RAPGEF4: variants seen among roughly 807,000 people sequenced by gnomAD.
RAPGEF4 encodes Rap guanine nucleotide exchange factor 4.
Under a neutral mutation model 147.9 loss-of-function variants are expected in RAPGEF4, and 66 were observed. That is an observed-to-expected ratio of 0.45 (90% CI 0.37 to 0.55). RAPGEF4 has a LOEUF of 0.55. Ranked by LOEUF, RAPGEF4 falls within the 20% of genes least tolerant of loss-of-function variation. RAPGEF4 has a pLI of 0.00. For missense variants in RAPGEF4, 1,071 were observed against 1,257.3 expected (o/e 0.85, Z 2.24); for synonymous variants, 419 against 442.7 (o/e 0.95, Z 0.67).
At chr2:172,995,468 C>A (rs1226958696) in intron 15 of RAPGEF4, among the ~76,000 whole-genome samples, 2 of 152,108 alleles carry the variant, frequency 1.3e-5, no homozygotes, top group South Asian at 4.2e-4. Context: ...TTAGTAGAGA[C>A]GGGGCTTCAC....
intron 1 of RAPGEF4, among the ~76,000 whole-genome samples, chr2:172,760,089 G>A (rs1355793399): frequency 6.6e-6 from 1 of 152,094 alleles, no homozygotes; most frequent in Non-Finnish European, 1.5e-5. Context: ...ATAAAACAAG[G>A]AAAATAGAAT....
rs2149604031 is a variant in RAPGEF4 at position 172,814,338 on chromosome 2, C to T, written c.357C>T (p.Asp119=). 2 of 1,614,138 alleles carry T rather than the reference C, an allele frequency of 1.2e-6. No homozygotes were observed. The highest frequency in any genetic ancestry group is 2.2e-5 in the South Asian group (2 of 91,078). Residue 119 remains aspartate, a synonymous_variant, in exon 4 of 31, where the codon GAC becomes GAT. Coordinates refer to ENST00000397081, the MANE Select transcript of RAPGEF4 (RefSeq NM_007023.4). ...CGGCCTTTGGAGAGTCCATTCTGGA[C>T]AACACACCCCGCCATGCAACCATCG... ...IGTAFGESIL[D]NTPRHATIVT...
At chr2:172,988,375 G>T in intron 13 of RAPGEF4, 103 bp downstream of exon 13, 1 of 1,472,088 alleles carries the variant, frequency 6.8e-7, no homozygotes, top group African/African-American at 1.4e-5. Context: ...CAACAACATT[G>T]CTCCTAGATG....
At position 173,014,623 on chromosome 2, in the gene RAPGEF4, G is replaced by C. The variant is rs1482993354; in HGVS notation, c.1809+9G>C. ...CTATGGCCTTCCTGGAGGTAGGCAGGGGTCATCTCTTCCAAGAATATACTG... is the reference window on the plus strand; with the variant it reads ...CTATGGCCTTCCTGGAGGTAGGCAGCGGTCATCTCTTCCAAGAATATACTG... On this transcript the variant is annotated intron_variant, in intron 18 of 30. Coordinates refer to ENST00000397081, the MANE Select transcript of RAPGEF4 (RefSeq NM_007023.4). The C allele has an allele frequency of 1.2e-6, 2 of 1,611,002 alleles. No individual in the cohort carries two copies. Among genetic ancestry groups the C allele is most frequent in the East Asian group, 2.2e-5 (1 of 44,770 alleles).
At chr2:172,781,358 C>T (rs1461967994) in intron 1 of RAPGEF4, among the ~76,000 whole-genome samples, 3 of 152,194 alleles carry the variant, frequency 2.0e-5, no homozygotes, top group South Asian at 2.1e-4. Context: ...TGGTGGCTCA[C>T]GAGGGCAGGG....
chr2:172,818,150 G>A (rs372997824), intron 4 of RAPGEF4, among the ~76,000 whole-genome samples: 26 of 151,514 alleles, frequency 1.7e-4, no homozygotes, highest in East Asian at 7.8e-4. Flanking sequence ...ATGCAAAGGC[G>A]TAAGAATGAC....
chr2:172,859,483 T>G (rs931304601), intron 4 of RAPGEF4, among the ~76,000 whole-genome samples: 1 of 152,238 alleles, frequency 6.6e-6, no homozygotes. Flanking sequence ...CTGCTTCAGC[T>G]GCTGTTTGTT....
At chr2:172,807,023 A>T (rs1232961062) in intron 3 of RAPGEF4, among the ~76,000 whole-genome samples, 2 of 152,218 alleles carry the variant, frequency 1.3e-5, no homozygotes, top group Non-Finnish European at 2.9e-5. Flanking sequence ...AACAGAGAAC[A>T]CTGCCATCAT....
At chr2:172,867,409 GGGTCA>G (rs1559085423) in intron 4 of RAPGEF4, among the ~76,000 whole-genome samples, 2 of 152,110 alleles carry the variant, frequency 1.3e-5, no homozygotes, top group Non-Finnish European at 2.9e-5. Flanking sequence ...TGATCTCATA[GGGTCA>G]ATGAGATACA....
chr2:172,981,573 G>A (rs1691687944), intron 10 of RAPGEF4, among the ~76,000 whole-genome samples: 1 of 152,210 alleles, frequency 6.6e-6, no homozygotes, highest in South Asian at 2.1e-4. Flanking sequence ...GGTGAACCTG[G>A]CTAGCATCTC....
intron 1 of RAPGEF4, among the ~76,000 whole-genome samples, chr2:172,780,254 A>T (rs1019603814): frequency 6.6e-6 from 1 of 152,370 alleles, no homozygotes; most frequent in East Asian, 1.9e-4. Flanking sequence ...CAGGTGGCTT[A>T]GAACTCCAGG....
intron 14 of RAPGEF4, among the ~76,000 whole-genome samples, chr2:172,990,469 C>T (rs752468368): frequency 2.0e-5 from 3 of 152,212 alleles, no homozygotes; most frequent in South Asian, 2.1e-4. Flanking sequence ...TTTGCTGAAG[C>T]TGCTTGCTAT....
In RAPGEF4 at chr2:172,850,005, G is replaced by A. The variant is rs148483894; in HGVS notation, c.444+35580G>A. Among the ~76,000 whole-genome samples the A allele has an allele frequency of 2.9e-4, 44 of 152,270 alleles. 1 individual carries two copies. Among genetic ancestry groups the A allele is most frequent in the African/African-American group, 9.4e-4 (39 of 41,552 alleles). ...TTAGAAGTAAGCAGACAGGCTCACA[G>A]GGGAATCAAGACCTTTGCCCTCTTC... On this transcript the variant is annotated intron_variant, in intron 4 of 30. Coordinates refer to ENST00000397081, the MANE Select transcript of RAPGEF4 (RefSeq NM_007023.4).
At chr2:172,789,526 T>C (rs1221205704) in intron 1 of RAPGEF4, among the ~76,000 whole-genome samples, 1 of 152,234 alleles carries the variant, frequency 6.6e-6, no homozygotes, top group African/African-American at 2.4e-5. Context: ...GATATATTTT[T>C]GTTGGGTATA....
intron 3 of RAPGEF4, among the ~76,000 whole-genome samples, chr2:172,808,940 C>T (rs929610886): frequency 6.6e-6 from 1 of 152,140 alleles, no homozygotes; most frequent in Non-Finnish European, 1.5e-5. Flanking sequence ...GCGGCTTCAT[C>T]GACATCTTTA....
chr2:172,983,345 G>T, intron 10 of RAPGEF4, 151 bp from the exon 11 acceptor site: 1 of 1,394,416 alleles, frequency 7.2e-7, no homozygotes, highest in Non-Finnish European at 9.4e-7. Flanking sequence ...ATCCCTTTAG[G>T]CATTATACTG....
At chr2:172,779,224 A>G (rs1222568234) in intron 1 of RAPGEF4, among the ~76,000 whole-genome samples, 5 of 152,222 alleles carry the variant, frequency 3.3e-5, no homozygotes, top group Admixed American at 2.6e-4. Context: ...AAAATAAATC[A>G]ATCAATAAAT....
At chr2:172,766,134 T>G (rs1210696617) in intron 1 of RAPGEF4, among the ~76,000 whole-genome samples, 1 of 152,252 alleles carries the variant, frequency 6.6e-6, no homozygotes, top group Non-Finnish European at 1.5e-5. Context: ...CTTATTTTTT[T>G]TTAAGTTCAG....
At chr2:172,822,100 G>A in intron 4 of RAPGEF4, 1 of 1,213,194 alleles carries the variant, frequency 8.2e-7, no homozygotes, top group Non-Finnish European at 1.2e-6. Flanking sequence ...TGTTCCACCA[G>A]ACCCAAATAT....
Sources: allele counts gnomAD v4.1 joint callset (sites outside exome capture counted in the v4.1 genomes callset), GRCh38; gene constraint gnomAD v4.1.1; transcripts MANE v1.5; gene names NCBI Gene and HGNC (gene_info 2026-07-23, HGNC 2026-07-21).